The following FHIT variants were observed in gnomAD, a reference collection of about 807,000 sequenced individuals.
The protein encoded by FHIT is fragile histidine triad diadenosine triphosphatase, also known as bis(5'-adenosyl)-triphosphatase.
In FHIT, 19 loss-of-function variants were observed where a neutral mutation model predicts 17.9. That is an observed-to-expected ratio of 1.06 (90% CI 0.74 to 1.56). The LOEUF is 1.56. FHIT is among the 40% of genes most tolerant of loss of function. The pLI, the probability that FHIT is intolerant of heterozygous loss-of-function variation, is 0.00. For missense variants in FHIT, 248 were observed against 189.2 expected, an observed-to-expected ratio of 1.31 and a Z score of -1.82; for synonymous variants, 81 against 69.7, an observed-to-expected ratio of 1.16 and a Z score of -0.81.
At chr3:61,066,550 G>T (rs2034616997) in intron 2 of FHIT, among the ~76,000 whole-genome samples, 1 of 152,178 alleles carries the variant, frequency 6.6e-6, no homozygotes, top group Non-Finnish European at 1.5e-5. Context: ...AGGAGGCAAA[G>T]GTTGCAGTGA....
chr3:60,351,911 C>G (rs1699419361), intron 5 of FHIT, among the ~76,000 whole-genome samples: 1 of 152,190 alleles, frequency 6.6e-6, no homozygotes, highest in Non-Finnish European at 1.5e-5. Context: ...TTAGCTAGCT[C>G]TTACCCTGAA....
At chr3:60,505,428 G>C (rs753304385) in intron 5 of FHIT, among the ~76,000 whole-genome samples, 6 of 152,076 alleles carry the variant, frequency 3.9e-5, no homozygotes, top group African/African-American at 1.4e-4. Flanking sequence ...AAATATAAAA[G>C]CCTCATAGAA....
chr3:61,063,791 T>A (rs542517649), intron 2 of FHIT, among the ~76,000 whole-genome samples: 2 of 102,818 alleles, frequency 1.9e-5, no homozygotes, highest in Admixed American at 1.7e-4. Flanking sequence ...GCCAAATCTA[T>A]GAATTTTTTT....
At chr3:60,169,246 T>A (rs1181182713) in intron 5 of FHIT, among the ~76,000 whole-genome samples, 1 of 152,074 alleles carries the variant, frequency 6.6e-6, no homozygotes, top group Non-Finnish European at 1.5e-5. Flanking sequence ...CGAAGAGAAA[T>A]TCCAATGAAA....
chr3:59,867,448 C>CT (rs1702706252), intron 8 of FHIT, among the ~76,000 whole-genome samples: 1 of 152,036 alleles, frequency 6.6e-6, no homozygotes, highest in South Asian at 2.1e-4. Flanking sequence ...AATTGCTCCC[C>CT]TTTTAAGATT....
chr3:59,970,919 TAA>T (rs34034432), intron 7 of FHIT, among the ~76,000 whole-genome samples: 1 of 145,552 alleles, frequency 6.9e-6, no homozygotes, highest in Admixed American at 6.9e-5. Context: ...AAGCAGGGAT[TAA>T]AAAAAAAAAA....
At chr3:60,097,820 C>A (rs1704022009) in intron 5 of FHIT, among the ~76,000 whole-genome samples, 1 of 149,342 alleles carries the variant, frequency 6.7e-6, no homozygotes, top group East Asian at 2.0e-4. Context: ...CCCATTAACT[C>A]ATCATTTAGC....
chr3:60,772,318 A>C (rs9842102), intron 4 of FHIT, among the ~76,000 whole-genome samples: 7 of 1,770 alleles, frequency 4.0e-3, no homozygotes, highest in African/African-American at 0.011. Flanking sequence ...TCTCATCTAT[A>C]TATATATATA....
intron 8 of FHIT, among the ~76,000 whole-genome samples, chr3:59,800,113 G>C (rs924905288): frequency 5.3e-5 from 8 of 152,220 alleles, no homozygotes; most frequent in Non-Finnish European, 8.8e-5. Flanking sequence ...CAATTGCCAA[G>C]AAGTGTAACT....
chr3:60,130,279 A>C (rs1301480357), intron 5 of FHIT, among the ~76,000 whole-genome samples: 1 of 152,204 alleles, frequency 6.6e-6, no homozygotes, highest in Non-Finnish European at 1.5e-5. Flanking sequence ...CTATGTCTTG[A>C]AACCTTTCTA....
intron 4 of FHIT, among the ~76,000 whole-genome samples, chr3:60,615,195 T>C (rs957460481): frequency 1.3e-5 from 2 of 152,222 alleles, no homozygotes; most frequent in Non-Finnish European, 2.9e-5. Context: ...AGCAATCTAC[T>C]ATCTGGGGAT....
intron 5 of FHIT, among the ~76,000 whole-genome samples, chr3:60,474,130 A>G (rs2033228873): frequency 6.6e-6 from 1 of 152,176 alleles, no homozygotes; most frequent in Non-Finnish European, 1.5e-5. Context: ...TTACCCAGCA[A>G]TCAAGGAAGA....
At chr3:59,775,730 T>C (rs751829304) in intron 8 of FHIT, among the ~76,000 whole-genome samples, 1 of 152,144 alleles carries the variant, frequency 6.6e-6, no homozygotes, top group Non-Finnish European at 1.5e-5. Context: ...AAGTTTCAGA[T>C]TGTGGTCATC....
At chr3:60,384,595 C>G (rs1194536971) in intron 5 of FHIT, among the ~76,000 whole-genome samples, 1 of 152,094 alleles carries the variant, frequency 6.6e-6, no homozygotes, top group Non-Finnish European at 1.5e-5. Context: ...CGAAACTGGT[C>G]AGTCATGGAC....
At chr3:60,051,211 G>A (rs1701863352) in intron 5 of FHIT, among the ~76,000 whole-genome samples, 1 of 151,534 alleles carries the variant, frequency 6.6e-6, no homozygotes, top group African/African-American at 2.4e-5. Flanking sequence ...AATGCATAGT[G>A]TTAAAAAAAT....
chr3:60,188,737 C>T (rs549312345), intron 5 of FHIT, among the ~76,000 whole-genome samples: 48 of 152,210 alleles, frequency 3.2e-4, no homozygotes, highest in Non-Finnish European at 4.0e-4. Flanking sequence ...CAAACATGCA[C>T]AATTTCCATC....
intron 5 of FHIT, among the ~76,000 whole-genome samples, chr3:60,301,715 G>T (rs1708465086): frequency 6.6e-6 from 1 of 152,096 alleles, no homozygotes; most frequent in Non-Finnish European, 1.5e-5. Flanking sequence ...AAGTGATTAG[G>T]ATAAACATTG....
intron 7 of FHIT, among the ~76,000 whole-genome samples, chr3:59,980,683 T>C (rs1182601627): frequency 6.6e-6 from 1 of 152,136 alleles, no homozygotes; most frequent in African/African-American, 2.4e-5. Context: ...TTCCCACCAC[T>C]GCCTCATCCC....
In FHIT at chr3:60,165,360, G is replaced by A. The variant is rs139306561; in HGVS notation, c.104-151208C>T. Reference sequence around the variant, plus strand: ...GGCTTAAATCTCCAGTGCCTTCAGCGCAACTGTCATTTGGAAAGTGGTGAA... The same window carrying A: ...GGCTTAAATCTCCAGTGCCTTCAGCACAACTGTCATTTGGAAAGTGGTGAA... On this transcript the variant is annotated intron_variant, in intron 5 of 9. Coordinates refer to ENST00000492590, the MANE Select transcript of FHIT (RefSeq NM_002012.4). Among the ~76,000 whole-genome samples the A allele has an allele frequency of 3.8e-3, 586 of 152,282 alleles. 3 individuals are homozygous for A. Among genetic ancestry groups the A allele is most frequent in the Non-Finnish European group, 6.7e-3 (454 of 68,032 alleles).
Sources: allele counts gnomAD v4.1 joint callset (sites outside exome capture counted in the v4.1 genomes callset), GRCh38; gene constraint gnomAD v4.1.1; transcripts MANE v1.5; gene names NCBI Gene and HGNC (gene_info 2026-07-23, HGNC 2026-07-21).